Variants in FAM227B observed in about 807,000 individuals in gnomAD.
FAM227B encodes family with sequence similarity 227 member B, also known as protein FAM227B.
FAM227B carries 88 observed loss-of-function variants against 73.8 expected under a neutral mutation model. The ratio of observed to expected loss-of-function variants is 1.19; its 90% CI spans 1.00 to 1.42. FAM227B has a LOEUF of 1.42. FAM227B is among the 40% of genes most tolerant of loss of function. FAM227B has a pLI of 0.00. For synonymous variants in FAM227B, 210 were observed against 190.5 expected (o/e 1.10, Z -0.84); for missense variants, 632 against 590.9 (o/e 1.07, Z -0.72).
At chr15:49,465,627 T>A (rs2054202882) in intron 11 of FAM227B, among the ~76,000 whole-genome samples, 2 of 152,110 alleles carry the variant, frequency 1.3e-5, no homozygotes, top group Admixed American at 1.3e-4. Context: ...AAACCAGAGA[T>A]ATTTGGGGTT....
intron 11 of FAM227B, among the ~76,000 whole-genome samples, chr15:49,410,330 C>T (rs1321009785): frequency 1.3e-5 from 2 of 152,118 alleles, no homozygotes; most frequent in Non-Finnish European, 2.9e-5. Flanking sequence ...CCATAGGCCA[C>T]GTTGTTTCAT....
At position 49,328,083 on chromosome 15, in the gene FAM227B, G is replaced by A; in HGVS notation, c.*485C>T. ...AAAGCTTATTACCAGAGGAGTGATGGAAGCTTAGCACCGGAGAAGCAAAGT... is the reference window on the plus strand; with the variant it reads ...AAAGCTTATTACCAGAGGAGTGATGAAAGCTTAGCACCGGAGAAGCAAAGT... On this transcript the variant is annotated 3_prime_UTR_variant, in exon 16 of 16. Transcript: ENST00000299338. 1 of 1,614,078 alleles carries A rather than the reference G, an allele frequency of 6.2e-7. No homozygotes were observed. Among genetic ancestry groups the A allele is most frequent in the Non-Finnish European group, 8.5e-7 (1 of 1,179,998 alleles).
chr15:49,448,907 A>G (rs566716549), intron 11 of FAM227B, among the ~76,000 whole-genome samples: 13 of 151,908 alleles, frequency 8.6e-5, no homozygotes, highest in African/African-American at 2.9e-4. Context: ...ATACTTTCTC[A>G]TATCTAGGGA....
chr15:49,614,939 CT>C (rs2078193688), intron 2 of FAM227B, 181 bp downstream of exon 2: 2 of 636,162 alleles, frequency 3.1e-6, no homozygotes, highest in African/African-American at 1.8e-5. Flanking sequence ...CCTATTAAAG[CT>C]TTCTTCCTTG....
At chr15:49,476,216 TG>T (rs200032273) in intron 11 of FAM227B, among the ~76,000 whole-genome samples, 3,706 of 127,842 alleles carry the variant, frequency 0.029, 574 homozygotes, top group Non-Finnish European at 0.044. Context: ...TTTGCTGTTT[TG>T]TTTTTTTGTT....
intron 5 of FAM227B, among the ~76,000 whole-genome samples, chr15:49,587,438 G>A (rs903162357): frequency 6.6e-6 from 1 of 152,042 alleles, no homozygotes; most frequent in African/African-American, 2.4e-5. Flanking sequence ...CATGTCACAA[G>A]TTTATTTATA....
intron 5 of FAM227B, among the ~76,000 whole-genome samples, chr15:49,580,828 AT>A (rs1222288352): frequency 6.6e-6 from 1 of 152,242 alleles, no homozygotes; most frequent in Non-Finnish European, 1.5e-5. Context: ...CGCTAAAAGT[AT>A]TTAATAATAC....
chr15:49,441,915 A>G lies in FAM227B; in HGVS notation c.1012+66296T>C, dbSNP rs1401267726. On this transcript the variant is annotated intron_variant, in intron 11 of 15. Transcript: ENST00000299338. ...TTGTACTTATGCATTTATTTTTATC[A>G]TTTTGTGTAGTGCTCAAGTATTATA... 6.0e-5 allele frequency among the ~76,000 whole-genome samples: 9 copies of G among 150,978 alleles called. No individual in the cohort carries two copies. The East Asian group carries it at 1.8e-3, about 30-fold the overall frequency.
At chr15:49,534,629 A>G (rs2060872715) in intron 10 of FAM227B, among the ~76,000 whole-genome samples, 1 of 151,916 alleles carries the variant, frequency 6.6e-6, no homozygotes, top group Admixed American at 6.6e-5. Flanking sequence ...AGACTATTCC[A>G]TCCAACAGCA....
At chr15:49,478,723 C>T (rs1399546170) in intron 11 of FAM227B, among the ~76,000 whole-genome samples, 1 of 151,898 alleles carries the variant, frequency 6.6e-6, no homozygotes, top group Non-Finnish European at 1.5e-5. Context: ...TTAATATATA[C>T]CCCTTCAAAA....
chr15:49,424,737 C>A, intron 11 of FAM227B: 5 of 558,904 alleles, frequency 8.9e-6, no homozygotes, highest in Non-Finnish European at 1.2e-5. Flanking sequence ...TTGAACTATG[C>A]CCCTAAAAAT....
intron 11 of FAM227B, among the ~76,000 whole-genome samples, chr15:49,460,560 TACCA>T (rs1458655236): frequency 6.6e-6 from 1 of 152,158 alleles, no homozygotes; most frequent in Non-Finnish European, 1.5e-5. Context: ...AGGCGATCAT[TACCA>T]AATATTCGAG....
intron 11 of FAM227B, among the ~76,000 whole-genome samples, chr15:49,410,117 A>T (rs910280035): frequency 6.6e-6 from 1 of 152,074 alleles, no homozygotes; most frequent in Non-Finnish European, 1.5e-5. Context: ...CTCACTTCGG[A>T]TCTTCTAAAG....
At chr15:49,366,048 CT>C (rs1223795522) in intron 13 of FAM227B, 47 of 815,444 alleles carry the variant, frequency 5.8e-5, no homozygotes, top group Admixed American at 1.7e-4. Flanking sequence ...GATATTCTTC[CT>C]TTTTTTTCCC....
At chr15:49,361,677 T>C (rs561895894) in intron 13 of FAM227B, among the ~76,000 whole-genome samples, 79 of 152,324 alleles carry the variant, frequency 5.2e-4, no homozygotes, top group African/African-American at 1.9e-3. Context: ...TCCTTATCTT[T>C]ACTATTGTGA....
chr15:49,427,231 G>C (rs922031000), intron 11 of FAM227B, among the ~76,000 whole-genome samples: 1 of 151,934 alleles, frequency 6.6e-6, no homozygotes, highest in African/African-American at 2.4e-5. Flanking sequence ...CTCAGAATTT[G>C]TTTAAAATAA....
At chr15:49,600,971 G>A (rs1297488209) in intron 3 of FAM227B, among the ~76,000 whole-genome samples, 1 of 150,366 alleles carries the variant, frequency 6.7e-6, no homozygotes, top group African/African-American at 2.5e-5. Flanking sequence ...GAATCTAGGA[G>A]GCAGAGGTTG....
intron 3 of FAM227B, among the ~76,000 whole-genome samples, chr15:49,596,906 C>T (rs2076917885): frequency 6.6e-6 from 1 of 151,800 alleles, no homozygotes; most frequent in African/African-American, 2.4e-5. Context: ...AAGGCCTAGT[C>T]CAACAGGAAA....
chr15:49,546,003 A>G (rs1213192231), intron 9 of FAM227B, among the ~76,000 whole-genome samples: 2 of 151,568 alleles, frequency 1.3e-5, no homozygotes, highest in African/African-American at 4.8e-5. Flanking sequence ...ACATGTGCAC[A>G]ACGTGCAGGT....
Sources: allele counts gnomAD v4.1 joint callset (sites outside exome capture counted in the v4.1 genomes callset), GRCh38; gene constraint gnomAD v4.1.1; transcripts MANE v1.5; gene names NCBI Gene and HGNC (gene_info 2026-07-23, HGNC 2026-07-21).